The following RFTN2 variants were observed in gnomAD, a reference collection of about 807,000 sequenced individuals.
RFTN2 encodes the protein raftlin-2.
RFTN2 carries 34 observed loss-of-function variants against 52.7 expected under a neutral mutation model. The observed-to-expected ratio is 0.64, with a 90% confidence interval of 0.49 to 0.86. RFTN2 has a LOEUF of 0.86. RFTN2 is among the 40% of genes least tolerant of loss of function. The pLI, the probability that RFTN2 is intolerant of heterozygous loss-of-function variation, is 0.00. For synonymous variants in RFTN2, 203 were observed against 217.7 expected, an observed-to-expected ratio of 0.93 and a Z score of 0.59; for missense variants, 536 against 600.1, an observed-to-expected ratio of 0.89 and a Z score of 1.12.
At chr2:197,608,310 ATTTT>A (rs753519789) in intron 7 of RFTN2, among the ~76,000 whole-genome samples, 1 of 132,226 alleles carries the variant, frequency 7.6e-6, no homozygotes, top group Admixed American at 7.7e-5. Context: ...TAGGGACCAG[ATTTT>A]TTTTTTTTTT....
chr2:197,601,134 A>G (rs1334399156), intron 7 of RFTN2, among the ~76,000 whole-genome samples: 1 of 152,202 alleles, frequency 6.6e-6, no homozygotes, highest in Non-Finnish European at 1.5e-5. Flanking sequence ...GAGATAGTAG[A>G]TGTAAAGTTC....
chr2:197,653,923 T>G (rs1302838796), intron 1 of RFTN2, among the ~76,000 whole-genome samples: 1 of 152,246 alleles, frequency 6.6e-6, no homozygotes, highest in African/African-American at 2.4e-5. Flanking sequence ...ATTTTAATTT[T>G]TAAGCAAAAT....
intron 7 of RFTN2, among the ~76,000 whole-genome samples, chr2:197,610,874 G>T (rs2106204935): frequency 6.6e-6 from 1 of 152,298 alleles, no homozygotes; most frequent in East Asian, 1.9e-4. Flanking sequence ...AGATAATCAT[G>T]TGTTTTTTGT....
chr2:197,624,107 G>A (rs2088312512), intron 5 of RFTN2, among the ~76,000 whole-genome samples: 1 of 152,004 alleles, frequency 6.6e-6, no homozygotes, highest in Non-Finnish European at 1.5e-5. Context: ...TCTAGAAAAT[G>A]GTTTCTTAAA....
In RFTN2 at chr2:197,658,151, A is replaced by G. The variant is rs2088919531; in HGVS notation, c.140-11485T>C. 2.0e-5 allele frequency among the ~76,000 whole-genome samples: 3 copies of G among 149,704 alleles called. No homozygotes were observed. The Middle Eastern group carries it at 0.01, about 520-fold the overall frequency. On this transcript the variant is annotated intron_variant, in intron 1 of 8. Coordinates refer to ENST00000295049, the MANE Select transcript of RFTN2 (RefSeq NM_144629.3). Reference sequence around the variant, plus strand: ...ATTATGTTTTTTTCCCCCTCATGCTACCTTGTCTAAGACTATTTTTAAAAA... The same window carrying G: ...ATTATGTTTTTTTCCCCCTCATGCTGCCTTGTCTAAGACTATTTTTAAAAA...
chr2:197,646,920 A>AAAAT, intron 1 of RFTN2, among the ~76,000 whole-genome samples: 1 of 150,730 alleles, frequency 6.6e-6, no homozygotes, highest in Non-Finnish European at 1.5e-5. Context: ...AAAAAAAAAA[A>AAAAT]CTCCAATGGC....
At chr2:197,648,472 T>C (rs1357487496) in intron 1 of RFTN2, among the ~76,000 whole-genome samples, 1 of 152,208 alleles carries the variant, frequency 6.6e-6, no homozygotes, top group East Asian at 1.9e-4. Flanking sequence ...GGTGTGGCAA[T>C]TCTGTGATTC....
intron 5 of RFTN2, among the ~76,000 whole-genome samples, chr2:197,630,270 C>G (rs2088446748): frequency 6.6e-6 from 1 of 152,144 alleles, no homozygotes; most frequent in Non-Finnish European, 1.5e-5. Context: ...GCTTTTCATT[C>G]TTTCCTCTAA....
At position 197,638,694 on chromosome 2, in the gene RFTN2, A is replaced by G. The variant is rs1250632496; in HGVS notation, c.439-4697T>C. 3.4e-5 allele frequency among the ~76,000 whole-genome samples: 5 copies of G among 148,118 alleles called. No homozygotes were observed. In the East Asian group the frequency reaches 9.9e-4, roughly 29 times the overall value. On this transcript the variant is annotated intron_variant, in intron 3 of 8. Transcript: ENST00000295049. The stretch of plus-strand genomic sequence containing the variant: ...CTGATGGGTCTTGACTCTTTATCCA[A>G]TTTGCCAGTCTGTGTCTTTTAATTG...
At chr2:197,638,838 T>C (rs1307045411) in intron 3 of RFTN2, among the ~76,000 whole-genome samples, 3 of 148,090 alleles carry the variant, frequency 2.0e-5, no homozygotes, top group Admixed American at 6.7e-5. Context: ...CTAGTCTCGA[T>C]GGTCTTTACA....
intron 8 of RFTN2, among the ~76,000 whole-genome samples, chr2:197,580,652 A>G (rs1027522408): frequency 2.6e-5 from 4 of 152,210 alleles, no homozygotes; most frequent in Non-Finnish European, 5.9e-5. Flanking sequence ...GGTAACTCTT[A>G]CAGTGGAAAT....
At chr2:197,626,014 C>T (rs138600289) in intron 5 of RFTN2, among the ~76,000 whole-genome samples, 1 of 152,202 alleles carries the variant, frequency 6.6e-6, no homozygotes, top group African/African-American at 2.4e-5. Context: ...GTCTTGAACT[C>T]CTGACCTCAA....
rs1349337879 is a variant in RFTN2 at position 197,665,513 on chromosome 2, T to C, written c.139+9807A>G. ...ATTGATTCCTTTATCATTATGTACCTTGCCTTTTTTTTTTTTTTTTACTGT... is the reference window on the plus strand; with the variant it reads ...ATTGATTCCTTTATCATTATGTACCCTGCCTTTTTTTTTTTTTTTTACTGT... On this transcript the variant is annotated intron_variant, in intron 1 of 8. Transcript: ENST00000295049. Among the ~76,000 whole-genome samples the C allele has an allele frequency of 5.0e-5, 7 of 141,150 alleles. No homozygotes were observed. In the Admixed American group the frequency reaches 5.1e-4, roughly 10 times the overall value. The allele number at this position is 141,150 out of a possible 152,430, so 92.6% of individuals were successfully genotyped here.
chr2:197,619,146 GC>G (rs1276202578), intron 5 of RFTN2, among the ~76,000 whole-genome samples: 1 of 150,172 alleles, frequency 6.7e-6, no homozygotes, highest in African/African-American at 2.5e-5. Flanking sequence ...GGGGGGGTCA[GC>G]CCCCCATCCG....
At chr2:197,582,637 CA>C (rs1411973600) in intron 8 of RFTN2, among the ~76,000 whole-genome samples, 1 of 152,218 alleles carries the variant, frequency 6.6e-6, no homozygotes, top group African/African-American at 2.4e-5. Flanking sequence ...GACAATGCAT[CA>C]ATATTTACAC....
At chr2:197,638,311 G>T (rs199807553) in intron 3 of RFTN2, among the ~76,000 whole-genome samples, 3 of 87,532 alleles carry the variant, frequency 3.4e-5, no homozygotes, top group Non-Finnish European at 8.2e-5. Context: ...TTTCTGTCTC[G>T]TTGATCTGTC....
rs187845004 is a variant in RFTN2 at position 197,608,877 on chromosome 2, G to A, written c.1154+6999C>T. 2.2e-3 allele frequency among the ~76,000 whole-genome samples: 335 copies of A among 151,902 alleles called. 1 individual carries two copies. The highest frequency in any genetic ancestry group is 7.7e-3 in the African/African-American group (319 of 41,408). ...AACTCCCACTTATTAGTGAGAACAT[G>A]CGATGTTTGGTTTTCTCTTCTTGTG... On this transcript the variant is annotated intron_variant, in intron 7 of 8. Transcript: ENST00000295049.
intron 1 of RFTN2, among the ~76,000 whole-genome samples, chr2:197,670,513 CA>C (rs983985702): frequency 5.3e-5 from 8 of 152,048 alleles, no homozygotes; most frequent in African/African-American, 1.9e-4. Context: ...TCCATCTCTA[CA>C]AAAAATTAAA....
intron 7 of RFTN2, among the ~76,000 whole-genome samples, chr2:197,604,281 CAT>C (rs763689458): frequency 6.6e-5 from 10 of 152,220 alleles, no homozygotes; most frequent in Admixed American, 1.3e-4. Context: ...GAAACTCACA[CAT>C]GTGTGCACCA....
Sources: gnomAD v4.1 joint callset for allele counts (sites outside exome capture counted in the v4.1 genomes callset) on GRCh38, gnomAD v4.1.1 for gene constraint, MANE v1.5 for transcripts, NCBI Gene and HGNC (gene_info 2026-07-23, HGNC 2026-07-21) for gene names.